NUP98: variants seen among roughly 807,000 people sequenced by gnomAD.
NUP98 encodes nucleoporin 98 and 96 precursor.
In NUP98, 26 loss-of-function variants were observed where a neutral mutation model predicts 191.9. The observed-to-expected ratio is 0.14, with a 90% CI of 0.10 to 0.19. The LOEUF (loss-of-function observed/expected upper bound fraction) is 0.19, where lower values mean the gene tolerates loss of function less well. Ranked by LOEUF, NUP98 falls within the 10% of genes least tolerant of loss-of-function variation. The probability of loss-of-function intolerance (pLI) is 1.00; values close to 1 mark genes in which losing one functional copy is unlikely to be tolerated. For missense variants in NUP98, 1,941 were observed against 2,178.8 expected, an observed-to-expected ratio of 0.89 and a Z score of 2.17; for synonymous variants, 808 against 778.4, an observed-to-expected ratio of 1.04 and a Z score of -0.63.
chr11:3,704,391 T>TA (rs1489332133), intron 22 of NUP98, among the ~76,000 whole-genome samples: 1 of 152,214 alleles, frequency 6.6e-6, no homozygotes, highest in East Asian at 1.9e-4. Context: ...GAGAAAACTT[T>TA]AAAATCAAAT....
intron 10 of NUP98, among the ~76,000 whole-genome samples, chr11:3,757,127 A>C (rs1186053629): frequency 9.3e-6 from 1 of 107,440 alleles, no homozygotes; most frequent in African/African-American, 4.8e-5. Context: ...ATCTATATCT[A>C]TATCTATATG....
chr11:3,775,524 G>A (rs1280616642), intron 5 of NUP98, among the ~76,000 whole-genome samples: 3 of 149,454 alleles, frequency 2.0e-5, no homozygotes, highest in Admixed American at 6.7e-5. Context: ...CAACAAGAGC[G>A]AAACTCCATC....
At chr11:3,744,773 G>C in intron 11 of NUP98, 124 bp from the exon 12 acceptor site, 1 of 1,026,928 alleles carries the variant, frequency 9.7e-7, no homozygotes, top group Non-Finnish European at 1.4e-6. Context: ...TTCAACAAAG[G>C]GGTGAATACG....
At chr11:3,768,030 AG>A (rs1359881723) in intron 8 of NUP98, among the ~76,000 whole-genome samples, 3 of 152,154 alleles carry the variant, frequency 2.0e-5, no homozygotes, top group African/African-American at 7.2e-5. Context: ...CTTAGTAATG[AG>A]AAAAATACTT....
intron 17 of NUP98, among the ~76,000 whole-genome samples, 162 bp downstream of exon 17, chr11:3,720,550 G>GTC (rs1365893580): frequency 6.6e-6 from 1 of 151,946 alleles, no homozygotes; most frequent in African/African-American, 2.4e-5. Flanking sequence ...CATGGTTCCA[G>GTC]TCTTTCTTGT....
intron 12 of NUP98, among the ~76,000 whole-genome samples, chr11:3,741,995 AAAAT>A (rs1222881114): frequency 4.6e-5 from 7 of 152,374 alleles, no homozygotes; most frequent in East Asian, 1.9e-4. Context: ...GAAAATTCAG[AAAAT>A]AAATAAAGAG....
intron 7 of NUP98, among the ~76,000 whole-genome samples, chr11:3,769,303 G>A (rs917919007): frequency 1.9e-4 from 29 of 152,080 alleles, no homozygotes; most frequent in Non-Finnish European, 4.0e-4. Context: ...GCACTTGCCT[G>A]TGGTCTTAGC....
intron 28 of NUP98, among the ~76,000 whole-genome samples, chr11:3,690,029 G>A (rs888879743): frequency 1.4e-5 from 2 of 139,396 alleles, no homozygotes; most frequent in African/African-American, 5.5e-5. Context: ...TTGGCTCACT[G>A]CAACCTCCAA....
chr11:3,718,136 T>C (rs1215264276), intron 18 of NUP98, among the ~76,000 whole-genome samples: 1 of 152,136 alleles, frequency 6.6e-6, no homozygotes, highest in Non-Finnish European at 1.5e-5. Context: ...AGAGTCTGAG[T>C]AGGACTGGTG....
At chr11:3,783,884 TA>T (rs907282676) in intron 1 of NUP98, among the ~76,000 whole-genome samples, 424 of 150,728 alleles carry the variant, frequency 2.8e-3, no homozygotes, top group Non-Finnish European at 3.5e-3. Flanking sequence ...AATGATCAAT[TA>T]AAAAAAAATA....
At chr11:3,771,701 T>G in intron 7 of NUP98, 47 bp downstream of exon 7, 1 of 1,537,406 alleles carries the variant, frequency 6.5e-7, no homozygotes, top group Non-Finnish European at 9.0e-7. Flanking sequence ...TTAGTTTTAG[T>G]TATCTGTCTC....
At chr11:3,787,984 C>G (rs779710078) in intron 1 of NUP98, among the ~76,000 whole-genome samples, 1 of 151,948 alleles carries the variant, frequency 6.6e-6, no homozygotes, top group Non-Finnish European at 1.5e-5. Flanking sequence ...GAGCCAGAGT[C>G]CATCTCAAAA....
In NUP98 at chr11:3,702,492, T is replaced by A. The variant is rs1554888570; in HGVS notation, c.3483A>T (p.Gly1161=). The A allele has an allele frequency of 6.2e-7, 1 of 1,613,854 alleles. No individual in the cohort carries two copies. Among genetic ancestry groups the A allele is most frequent in the Admixed American group, 1.7e-5 (1 of 59,968 alleles). The part of the protein sequence containing the change: ...NHQIADSMEF[G]FLPNPVAVKP... The stretch of plus-strand genomic sequence containing the variant: ...TAACAGCTACTGGATTGGGCAGGAA[T>A]CCAAACTCCATGGAATCGGCAATCT... Residue 1161 remains glycine (G), a synonymous_variant, in exon 23 of 33, where the codon GGA becomes GGT. Transcript: ENST00000324932.
chr11:3,771,318 AG>A (rs2081524477), intron 7 of NUP98, among the ~76,000 whole-genome samples: 1 of 152,216 alleles, frequency 6.6e-6, no homozygotes, highest in Non-Finnish European at 1.5e-5. Flanking sequence ...AACAACTTTC[AG>A]GATTTCCTAA....
rs937808304 is a variant in NUP98, at chr11:3,748,332, G to C, written c.1268-3683C>G. 2.6e-5 allele frequency among the ~76,000 whole-genome samples: 4 copies of C among 152,168 alleles called. No individual in the cohort carries two copies. In the East Asian group the frequency reaches 7.7e-4, roughly 29 times the overall value. On this transcript the variant is annotated intron_variant, in intron 11 of 32. Coordinates refer to ENST00000324932, the MANE Select transcript of NUP98 (RefSeq NM_016320.5). ...TGTAATCCCAGTACTTTGGAAGGCC[G>C]AGGCAGGAGGATCACGAGGTCAGGA... is the stretch of plus-strand genomic sequence containing the variant.
At chr11:3,700,093 C>T (rs974173553) in intron 24 of NUP98, among the ~76,000 whole-genome samples, 2 of 151,998 alleles carry the variant, frequency 1.3e-5, no homozygotes, top group African/African-American at 2.4e-5. Context: ...CGATGGCTCA[C>T]GCCTGTAATC....
chr11:3,723,496 G>A (rs778927148), intron 15 of NUP98, 41 bp from the exon 16 acceptor site: 2 of 1,545,672 alleles, frequency 1.3e-6, no homozygotes. Flanking sequence ...TCTTGTAGTA[G>A]TAATAACAAT....
chr11:3,723,829 CTT>C (rs34043967), intron 15 of NUP98, among the ~76,000 whole-genome samples: 1 of 142,304 alleles, frequency 7.0e-6, no homozygotes, highest in African/African-American at 2.5e-5. Context: ...CAAAGGGTTT[CTT>C]TTTTTTTTTT....
At chr11:3,679,313 G>A (rs911447330) in intron 31 of NUP98, 3 of 596,816 alleles carry the variant, frequency 5.0e-6, no homozygotes, top group South Asian at 1.6e-5. Flanking sequence ...ACTGTCTATG[G>A]ACAAGCCTCA....
Sources: gnomAD v4.1 joint callset for allele counts (sites outside exome capture counted in the v4.1 genomes callset) on GRCh38, gnomAD v4.1.1 for gene constraint, MANE v1.5 for transcripts, NCBI Gene and HGNC (gene_info 2026-07-23, HGNC 2026-07-21) for gene names.